Variants in COG5 observed in about 807,000 individuals in gnomAD.
COG5 encodes conserved oligomeric Golgi complex subunit 5.
COG5 carries 86 observed loss-of-function variants against 110.4 expected under a neutral mutation model. The ratio of observed to expected loss-of-function variants is 0.78; its 90% CI spans 0.65 to 0.93. COG5 has a LOEUF of 0.93. Ranked by LOEUF, COG5 falls within the 40% of genes least tolerant of loss-of-function variation. The pLI is 0.00. For synonymous variants in COG5, 360 were observed against 334.6 expected (o/e 1.08, Z -0.83); for missense variants, 1,077 against 987.0 (o/e 1.09, Z -1.22).
At chr7:107,429,172 T>C (rs1413856966) in intron 6 of COG5, among the ~76,000 whole-genome samples, 1 of 152,312 alleles carries the variant, frequency 6.6e-6, no homozygotes, top group Admixed American at 6.5e-5. Flanking sequence ...TGTCCCTTAC[T>C]ATAGGGAATC....
intron 7 of COG5, among the ~76,000 whole-genome samples, chr7:107,406,611 CTTACT>C (rs1791857479): frequency 6.6e-6 from 1 of 151,992 alleles, no homozygotes; most frequent in Admixed American, 6.6e-5. Flanking sequence ...AAAATACTTT[CTTACT>C]TTAAATATAA....
At chr7:107,212,634 A>T (rs1799262795) in intron 19 of COG5, among the ~76,000 whole-genome samples, 1 of 152,200 alleles carries the variant, frequency 6.6e-6, no homozygotes, top group African/African-American at 2.4e-5. Context: ...TTAAAGCTTT[A>T]TAGAGGGTGA....
intron 11 of COG5, among the ~76,000 whole-genome samples, chr7:107,308,954 T>C (rs1028335708): frequency 4.6e-5 from 7 of 152,074 alleles, no homozygotes; most frequent in Non-Finnish European, 1.5e-5. Flanking sequence ...AATTATTCTA[T>C]ACATTTCCTG....
intron 6 of COG5, among the ~76,000 whole-genome samples, chr7:107,463,229 A>G (rs557785748): frequency 4.7e-4 from 72 of 152,242 alleles, no homozygotes; most frequent in Non-Finnish European, 9.0e-4. Flanking sequence ...GAACGCCAAA[A>G]TGATACTAAG....
chr7:107,378,694 A>G (rs772925862), intron 7 of COG5, among the ~76,000 whole-genome samples: 1 of 152,230 alleles, frequency 6.6e-6, no homozygotes, highest in Non-Finnish European at 1.5e-5. Flanking sequence ...GATCAGCTCA[A>G]TGAAATAAAG....
chr7:107,533,525 G>C lies in COG5; in HGVS notation c.418-6168C>G, dbSNP rs1010414586. Reference sequence around the variant, plus strand: ...GGAGAACTTCGTGAAGCATACACAAGTATCAATAGCCGAATAGATCAAGTG... The same window carrying C: ...GGAGAACTTCGTGAAGCATACACAACTATCAATAGCCGAATAGATCAAGTG... On this transcript the variant is annotated intron_variant, in intron 5 of 21. Transcript: ENST00000297135. Among the ~76,000 whole-genome samples, 5 of 151,528 alleles carry C rather than the reference G, an allele frequency of 3.3e-5. 1 individual carries two copies. Among genetic ancestry groups the C allele is most frequent in the African/African-American group, 1.2e-4 (5 of 40,844 alleles).
chr7:107,401,418 A>C (rs903782709), intron 7 of COG5, among the ~76,000 whole-genome samples: 1 of 152,202 alleles, frequency 6.6e-6, no homozygotes, highest in Non-Finnish European at 1.5e-5. Flanking sequence ...TAAAATTATT[A>C]TTTATACATG....
chr7:107,557,957 C>T lies in COG5; in HGVS notation c.234+19G>A. ...CTTTAGGCTGAATAATCCATAGGGACCCAGAAGATCAGAATTACCTGTAAG... is the reference window on the plus strand; with the variant it reads ...CTTTAGGCTGAATAATCCATAGGGATCCAGAAGATCAGAATTACCTGTAAG... On this transcript the variant is annotated intron_variant, in intron 2 of 21. Transcript: ENST00000297135. 2.5e-6 allele frequency: 4 copies of T among 1,613,660 alleles called. No homozygotes were observed. Among genetic ancestry groups the T allele is most frequent in the Non-Finnish European group, 3.4e-6 (4 of 1,179,704 alleles).
chr7:107,250,351 G>C (rs941198382), intron 16 of COG5, among the ~76,000 whole-genome samples: 2 of 152,030 alleles, frequency 1.3e-5, no homozygotes, highest in African/African-American at 4.8e-5. Context: ...ACTGACTGAG[G>C]TGTGGCCAAC....
chr7:107,362,531 T>G lies in COG5; in HGVS notation c.836-111A>C. The G allele has an allele frequency of 8.5e-6, 6 of 709,394 alleles. No homozygotes were observed. In the South Asian group the frequency reaches 1.0e-4, roughly 12 times the overall value. The allele number at this position is 709,394 out of a possible 1,614,324, so 43.9% of individuals were successfully genotyped here. ...AAGCTAAAAAATGAGAAGTTCCTTCTTTAGGAAATAATTTATTGAGTAAGA... is the reference window on the plus strand; with the variant it reads ...AAGCTAAAAAATGAGAAGTTCCTTCGTTAGGAAATAATTTATTGAGTAAGA... On this transcript the variant is annotated intron_variant, in intron 8 of 21. Transcript: ENST00000297135.
At chr7:107,391,895 C>G (rs529527421) in intron 7 of COG5, among the ~76,000 whole-genome samples, 6 of 152,156 alleles carry the variant, frequency 3.9e-5, no homozygotes, top group South Asian at 4.1e-4. Flanking sequence ...TTCGAGACCA[C>G]CCTGGCCAAC....
chr7:107,268,752 G>GAAA (rs1391332539), intron 14 of COG5, among the ~76,000 whole-genome samples: 2 of 152,086 alleles, frequency 1.3e-5, no homozygotes, highest in African/African-American at 2.4e-5. Flanking sequence ...CCCTAATAAT[G>GAAA]TTTTTTGACT....
chr7:107,361,390 G>A (rs758045684), intron 10 of COG5, among the ~76,000 whole-genome samples: 10 of 152,130 alleles, frequency 6.6e-5, no homozygotes, highest in Non-Finnish European at 8.8e-5. Flanking sequence ...TTTAAATGTC[G>A]TATTTATCAA....
At chr7:107,260,615 G>A (rs569404551) in intron 14 of COG5, among the ~76,000 whole-genome samples, 24 of 152,086 alleles carry the variant, frequency 1.6e-4, no homozygotes, top group African/African-American at 5.5e-4. Flanking sequence ...CAAGGTTATC[G>A]ACTGATGCTC....
intron 17 of COG5, among the ~76,000 whole-genome samples, chr7:107,243,368 C>A (rs1247286559): frequency 6.6e-6 from 1 of 151,922 alleles, no homozygotes; most frequent in Non-Finnish European, 1.5e-5. Context: ...AAAAAATTAG[C>A]CGGGTGCGGT....
At chr7:107,215,849 A>C (rs1472337930) in intron 19 of COG5, among the ~76,000 whole-genome samples, 1 of 151,590 alleles carries the variant, frequency 6.6e-6, no homozygotes, top group Non-Finnish European at 1.5e-5. Flanking sequence ...AGCTGGGACT[A>C]GAGGCGCCTG....
At chr7:107,430,140 G>A (rs1490987700) in intron 6 of COG5, among the ~76,000 whole-genome samples, 2 of 151,972 alleles carry the variant, frequency 1.3e-5, no homozygotes, top group African/African-American at 4.8e-5. Flanking sequence ...ATTTCCTTTT[G>A]TCACTTGTGC....
intron 7 of COG5, among the ~76,000 whole-genome samples, chr7:107,378,144 C>A (rs1351171968): frequency 6.6e-6 from 1 of 152,144 alleles, no homozygotes; most frequent in Non-Finnish European, 1.5e-5. Context: ...TGGAGCGGAC[C>A]TCCAGCAAAC....
chr7:107,311,291 CTGATT>C (rs1416020625), intron 11 of COG5, among the ~76,000 whole-genome samples: 4 of 147,612 alleles, frequency 2.7e-5, no homozygotes, highest in Non-Finnish European at 6.0e-5. Context: ...TGATTTTTTG[CTGATT>C]TGATAGATGA....
Sources: gnomAD v4.1 joint callset for allele counts (sites outside exome capture counted in the v4.1 genomes callset) on GRCh38, gnomAD v4.1.1 for gene constraint, MANE v1.5 for transcripts, NCBI Gene and HGNC (gene_info 2026-07-23, HGNC 2026-07-21) for gene names.